The following PTPRD variants were observed in gnomAD, a reference collection of about 807,000 sequenced individuals.
PTPRD encodes receptor-type tyrosine-protein phosphatase delta.
In PTPRD, 34 loss-of-function variants were observed where a neutral mutation model predicts 214.5. The ratio of observed to expected loss-of-function variants is 0.16; its 90% CI spans 0.12 to 0.21. The LOEUF is 0.21. PTPRD is among the 10% of genes least tolerant of loss of function. The probability of loss-of-function intolerance (pLI) is 1.00; values close to 1 mark genes in which losing one functional copy is unlikely to be tolerated. For synonymous variants in PTPRD, 1,128 were observed against 845.7 expected (o/e 1.33, Z -5.79); for missense variants, 2,545 against 2,398.7 (o/e 1.06, Z -1.27).
chr9:9,442,849 C>A (rs529918811), intron 8 of PTPRD, among the ~76,000 whole-genome samples: 102 of 152,134 alleles, frequency 6.7e-4, no homozygotes, highest in Middle Eastern at 3.4e-3. Context: ...TAAAGGGAAT[C>A]TTTTTGGTAT....
intron 35 of PTPRD, among the ~76,000 whole-genome samples, chr9:8,408,892 GAAC>G (rs60756682): frequency 0.64 from 97,375 of 151,542 alleles, 31,709 homozygotes; most frequent in East Asian, 0.8. Flanking sequence ...GTGATTTAAA[GAAC>G]AACGGGAAAG....
rs112879362 is a variant in PTPRD at position 9,209,350 on chromosome 9, C to G, written c.-202-25987G>C. ...TAAGAAAGAAAAATTAGAGGCAGAACCTAGAGATCAGAAGAGGGAAATATC... is the reference window on the plus strand; with the variant it reads ...TAAGAAAGAAAAATTAGAGGCAGAAGCTAGAGATCAGAAGAGGGAAATATC... On this transcript the variant is annotated intron_variant, in intron 9 of 45. Transcript: ENST00000381196. 3.0e-3 allele frequency among the ~76,000 whole-genome samples: 462 copies of G among 152,166 alleles called. 1 individual carries two copies. Among genetic ancestry groups the G allele is most frequent in the Non-Finnish European group, 5.0e-3 (343 of 68,018 alleles).
chr9:8,571,183 A>C (rs889655262), intron 14 of PTPRD, among the ~76,000 whole-genome samples: 6 of 152,094 alleles, frequency 3.9e-5, no homozygotes, highest in African/African-American at 7.2e-5. Flanking sequence ...TGTTGTCATT[A>C]GCAAACTTCT....
intron 4 of PTPRD, among the ~76,000 whole-genome samples, chr9:9,959,538 T>C (rs1216499923): frequency 6.6e-6 from 1 of 152,158 alleles, no homozygotes; most frequent in Non-Finnish European, 1.5e-5. Flanking sequence ...AAAAACTTCC[T>C]ATGGCAAGAG....
intron 35 of PTPRD, among the ~76,000 whole-genome samples, chr9:8,419,579 A>G (rs1295988602): frequency 6.6e-6 from 1 of 152,134 alleles, no homozygotes; most frequent in Non-Finnish European, 1.5e-5. Flanking sequence ...TAAGCAGGTC[A>G]TCTTAACCAA....
rs73394342 is a variant in PTPRD at position 10,497,880 on chromosome 9, A to G, written c.-600+114518T>C. ...ATAAAAAACAGTATTAATAGTAAAC[A>G]AAATATTTAAAAATGTGATAGGAGA... is the stretch of plus-strand genomic sequence containing the variant. On this transcript the variant is annotated intron_variant, in intron 2 of 45. Transcript: ENST00000381196. Among the ~76,000 whole-genome samples the G allele has an allele frequency of 8.6e-3, 1,308 of 152,172 alleles. 20 individuals carry two copies. Among genetic ancestry groups the G allele is most frequent in the African/African-American group, 0.03 (1,243 of 41,548 alleles).
At chr9:10,110,921 C>A (rs1463692707) in intron 3 of PTPRD, among the ~76,000 whole-genome samples, 1 of 152,090 alleles carries the variant, frequency 6.6e-6, no homozygotes, top group African/African-American at 2.4e-5. Context: ...TTTAAAGAGA[C>A]CCTCATGATC....
intron 14 of PTPRD, among the ~76,000 whole-genome samples, chr9:8,553,001 C>T (rs1393946348): frequency 6.6e-6 from 1 of 152,152 alleles, no homozygotes; most frequent in East Asian, 1.9e-4. Flanking sequence ...CACATGACCA[C>T]AGACCCAAGA....
chr9:9,949,859 T>C (rs2093259929), intron 4 of PTPRD, among the ~76,000 whole-genome samples: 1 of 152,180 alleles, frequency 6.6e-6, no homozygotes, highest in Admixed American at 6.5e-5. Flanking sequence ...AATTGAATCT[T>C]TGATGACCGC....
At chr9:10,513,023 G>A (rs1765252973) in intron 2 of PTPRD, among the ~76,000 whole-genome samples, 1 of 152,090 alleles carries the variant, frequency 6.6e-6, no homozygotes, top group Non-Finnish European at 1.5e-5. Flanking sequence ...GAATTGTACT[G>A]ATTTTTGTGT....
intron 9 of PTPRD, among the ~76,000 whole-genome samples, chr9:9,196,807 A>C (rs2099938889): frequency 6.6e-6 from 1 of 152,204 alleles, no homozygotes; most frequent in South Asian, 2.1e-4. Context: ...GCAAAGCAAC[A>C]ACTGATAAGG....
intron 3 of PTPRD, among the ~76,000 whole-genome samples, chr9:10,194,820 C>G (rs1029252874): frequency 6.6e-6 from 1 of 152,094 alleles, no homozygotes; most frequent in Non-Finnish European, 1.5e-5. Context: ...TTCAAACACT[C>G]TTCTATACTT....
intron 10 of PTPRD, among the ~76,000 whole-genome samples, chr9:9,102,790 T>C (rs1221424374): frequency 6.6e-6 from 1 of 152,200 alleles, no homozygotes; most frequent in African/African-American, 2.4e-5. Flanking sequence ...GTAGAGATTT[T>C]TTCTCAATTT....
At chr9:8,686,506 T>A (rs1177931932) in intron 12 of PTPRD, among the ~76,000 whole-genome samples, 2 of 152,118 alleles carry the variant, frequency 1.3e-5, no homozygotes, top group East Asian at 3.9e-4. Context: ...CCTCCTACAT[T>A]TCAGATATAA....
At chr9:9,576,394 A>G (rs2088803309) in intron 7 of PTPRD, among the ~76,000 whole-genome samples, 1 of 151,892 alleles carries the variant, frequency 6.6e-6, no homozygotes, top group Non-Finnish European at 1.5e-5. Flanking sequence ...CTTCCAGTAG[A>G]CCTCCCGGGC....
At chr9:8,565,855 T>C (rs571365932) in intron 14 of PTPRD, among the ~76,000 whole-genome samples, 2 of 152,176 alleles carry the variant, frequency 1.3e-5, no homozygotes, top group Non-Finnish European at 2.9e-5. Context: ...AGCATACCTT[T>C]TGGAACCATG....
chr9:9,934,048 A>G (rs1475002843), intron 5 of PTPRD, among the ~76,000 whole-genome samples: 1 of 149,724 alleles, frequency 6.7e-6, no homozygotes, highest in Admixed American at 6.6e-5. Context: ...AAGACACAAC[A>G]TACCAGAATC....
At chr9:9,941,979 G>C (rs945910220) in intron 4 of PTPRD, among the ~76,000 whole-genome samples, 2 of 152,096 alleles carry the variant, frequency 1.3e-5, no homozygotes, top group African/African-American at 4.8e-5. Flanking sequence ...TTTTCTGAAA[G>C]CCCAGCCAAA....
intron 5 of PTPRD, among the ~76,000 whole-genome samples, chr9:9,831,939 G>C (rs1244819859): frequency 1.3e-5 from 2 of 151,914 alleles, no homozygotes; most frequent in Admixed American, 1.3e-4. Flanking sequence ...ACCCAACCGC[G>C]AATCTCATTA....
Sources: gnomAD v4.1 joint callset for allele counts (sites outside exome capture counted in the v4.1 genomes callset) on GRCh38, gnomAD v4.1.1 for gene constraint, MANE v1.5 for transcripts, NCBI Gene and HGNC (gene_info 2026-07-23, HGNC 2026-07-21) for gene names.